Variants in CUL2 observed in about 807,000 individuals in gnomAD.
CUL2 encodes the protein cullin-2.
A neutral mutation model predicts 110.2 loss-of-function variants in CUL2; 22 were observed. That is an observed-to-expected ratio of 0.20 (90% CI 0.14 to 0.28). The LOEUF is 0.28. CUL2 is among the 10% of genes least tolerant of loss of function. CUL2 has a pLI of 1.00. For synonymous variants in CUL2, 279 were observed against 293.2 expected, an observed-to-expected ratio of 0.95 and a Z score of 0.49; for missense variants, 631 against 905.5, an observed-to-expected ratio of 0.70 and a Z score of 3.89.
At chr10:35,026,666 G>A (rs556930635) in intron 16 of CUL2, among the ~76,000 whole-genome samples, 3 of 152,120 alleles carry the variant, frequency 2.0e-5, no homozygotes, top group South Asian at 2.1e-4. Context: ...AAAGACTCTC[G>A]TATCTATAGC....
At chr10:35,119,455 C>A (rs1043267335) in intron 1 of CUL2, among the ~76,000 whole-genome samples, 1 of 152,024 alleles carries the variant, frequency 6.6e-6, no homozygotes, top group East Asian at 1.9e-4. Flanking sequence ...GGGTTATGGA[C>A]TAATTTTAGC....
chr10:35,095,406 T>G (rs1056804881), upstream of CUL2, among the ~76,000 whole-genome samples: 14 of 152,194 alleles, frequency 9.2e-5, no homozygotes, highest in African/African-American at 3.1e-4. Context: ...ATGTTTGGGT[T>G]GATGTACATA....
intron 8 of CUL2, among the ~76,000 whole-genome samples, chr10:35,040,305 A>G (rs1290003788): frequency 6.6e-6 from 1 of 152,268 alleles, no homozygotes; most frequent in Non-Finnish European, 1.5e-5. Flanking sequence ...GAACTAGCCC[A>G]TAAGGAAAAT....
At chr10:35,105,727 AC>A (rs2087446899) in intron 1 of CUL2, among the ~76,000 whole-genome samples, 1 of 151,902 alleles carries the variant, frequency 6.6e-6, no homozygotes, top group Admixed American at 6.6e-5. Context: ...AAAGAAAAAA[AC>A]CCAAAACTAA....
At position 35,040,536 on chromosome 10, in the gene CUL2, T is replaced by C. The variant is rs370910408; in HGVS notation, c.715-1454A>G. Among the ~76,000 whole-genome samples, 6 of 152,196 alleles carry C rather than the reference T, an allele frequency of 3.9e-5. No individual in the cohort carries two copies. In the East Asian group the frequency reaches 7.7e-4, roughly 20 times the overall value. On this transcript the variant is annotated intron_variant, in intron 8 of 20. Coordinates refer to ENST00000374749, the MANE Select transcript of CUL2 (RefSeq NM_003591.4). ...TCATTCCTGGAAAGCGGATCAGAAA[T>C]TTTCAATAAAAATGAGGCTCCAGAC...
At chr10:35,102,225 A>G (rs1333634218) in intron 1 of CUL2, among the ~76,000 whole-genome samples, 1 of 150,824 alleles carries the variant, frequency 6.6e-6, no homozygotes, top group Non-Finnish European at 1.5e-5. Flanking sequence ...ACAGAGCGAG[A>G]CTCCATCTCA....
At chr10:35,107,790 G>T (rs953976909) in intron 1 of CUL2, among the ~76,000 whole-genome samples, 1 of 146,702 alleles carries the variant, frequency 6.8e-6, no homozygotes, top group Non-Finnish European at 1.5e-5. Context: ...GCTGAGGCAG[G>T]AGACTGGCAT....
intron 1 of CUL2, among the ~76,000 whole-genome samples, chr10:35,113,828 C>T (rs10466072): frequency 0.37 from 56,148 of 150,758 alleles, 10,580 homozygotes; most frequent in African/African-American, 0.43. Context: ...TGCATCAGGC[C>T]CCTGAGAAGC....
At chr10:35,097,353 G>A (rs1163191750) in intron 2 of CUL2, among the ~76,000 whole-genome samples, 1 of 152,054 alleles carries the variant, frequency 6.6e-6, no homozygotes, top group African/African-American at 2.4e-5. Context: ...AGGGAGGATT[G>A]CTTGAGGCCA....
Position 35,010,430 on chromosome 10 carries a change from A to C in CUL2, c.2119T>G (p.Ser707Ala), listed in dbSNP as rs1371982589. ...ATACTGGGATTAAACCTAGCTCTTG[A>C]CTGGCTAATCACCTGTGGAAGAGAT... is the stretch of plus-strand genomic sequence containing the variant. ...NALIQEVISQ[S>A]RARFNPSISM... Residue 707 changes from serine (S) to alanine (A), a missense_variant, in exon 21 of 21, where the codon TCA becomes GCA. Physicochemically the swap from Ser to Ala is moderately conservative, Grantham distance 99. This residue lies in a region of CUL2 where 159 missense variants were observed against 202.7 expected (regional missense o/e 0.78). Transcript: ENST00000374749. 5 of 1,609,372 alleles carry C rather than the reference A, an allele frequency of 3.1e-6. No individual in the cohort carries two copies. The highest frequency in any genetic ancestry group is 1.1e-5 in the South Asian group (1 of 90,340).
At position 35,009,392 on chromosome 10, in the gene CUL2, C is replaced by CATCT; in HGVS notation, c.*918_*919insAGAT. On this transcript the variant is annotated 3_prime_UTR_variant, in exon 21 of 21. Coordinates refer to ENST00000374749, the MANE Select transcript of CUL2 (RefSeq NM_003591.4). ...TTGTAAGGGTAACAGGTAGGGGAGG[C>CATCT]ATATAGAAGGAATATGTTGGTATCA... is the stretch of plus-strand genomic sequence containing the variant. The CATCT allele has an allele frequency of 6.6e-6, 1 of 151,730 alleles. No homozygotes were observed. The highest frequency in any genetic ancestry group is 1.9e-4 in the East Asian group (1 of 5,188). The allele number at this position is 151,730 out of a possible 1,614,324, so 9.4% of individuals were successfully genotyped here. A position where few individuals can be genotyped will look rare whatever the true frequency, so the allele number is the denominator to read the frequency against.
Position 35,031,721 on chromosome 10 carries a change from A to T in CUL2, c.1171-102T>A. 2 of 1,319,898 alleles carry T rather than the reference A, an allele frequency of 1.5e-6. No individual in the cohort carries two copies. The highest frequency in any genetic ancestry group is 2.6e-5 in the South Asian group (2 of 75,896). The allele number at this position is 1,319,898 out of a possible 1,614,324, so 81.8% of individuals were successfully genotyped here. On this transcript the variant is annotated intron_variant, in intron 12 of 20. Transcript: ENST00000374749. This position sits in a 1 kb window ranked among gnomAD's most constrained non-coding sequence, Gnocchi z 4.4. ...ATACAAGGTAAGATCAGCGGACAGA[A>T]TTTTTGCTGTTTTTTTTAGAGACCG...
intron 1 of CUL2, among the ~76,000 whole-genome samples, chr10:35,087,850 AAG>A (rs2087101122): frequency 6.7e-6 from 1 of 148,652 alleles, no homozygotes; most frequent in Non-Finnish European, 1.5e-5. Context: ...CTCAGTTTAG[AAG>A]AGTTCCAAAA....
intron 1 of CUL2, among the ~76,000 whole-genome samples, chr10:35,106,984 T>G (rs36123879): frequency 0.3 from 44,962 of 151,628 alleles, 7,123 homozygotes; most frequent in South Asian, 0.35. Context: ...TTGTTTGTTT[T>G]TTTGTTTTGA....
At chr10:35,033,310 G>C (rs748147033) in intron 10 of CUL2, 37 bp from the exon 11 acceptor site, 1 of 1,375,310 alleles carries the variant, frequency 7.3e-7, no homozygotes, top group Admixed American at 1.7e-5. Context: ...CACATTTTAA[G>C]AGGTTCAAGG....
At chr10:35,057,726 A>C (rs1033199157) in intron 4 of CUL2, among the ~76,000 whole-genome samples, 4 of 152,110 alleles carry the variant, frequency 2.6e-5, no homozygotes, top group African/African-American at 9.7e-5. Flanking sequence ...TCATTTTAAT[A>C]TGGACACCAT....
chr10:35,043,101 G>T (rs1057077923), intron 8 of CUL2, among the ~76,000 whole-genome samples: 1 of 152,074 alleles, frequency 6.6e-6, no homozygotes, highest in Admixed American at 6.5e-5. Flanking sequence ...AACATGGTTT[G>T]AGAGAGTTTT....
intron 1 of CUL2, among the ~76,000 whole-genome samples, chr10:35,073,559 C>T (rs1180482535): frequency 6.6e-6 from 1 of 151,892 alleles, no homozygotes; most frequent in East Asian, 1.9e-4. Context: ...GGTAGGTCCA[C>T]TGTTGTCCCC....
At chr10:35,034,081 G>A (rs2085552506) in intron 10 of CUL2, among the ~76,000 whole-genome samples, 1 of 152,136 alleles carries the variant, frequency 6.6e-6, no homozygotes, top group Non-Finnish European at 1.5e-5. Flanking sequence ...TAGTACAAAA[G>A]TGAGTTTTCC....
Sources: gnomAD v4.1 joint callset for allele counts (sites outside exome capture counted in the v4.1 genomes callset) on GRCh38, gnomAD v4.1.1 for gene constraint, gnomAD v4.1.1 regional missense constraint, Gnocchi (gnomAD v3.1) non-coding constraint, MANE v1.5 for transcripts, NCBI Gene and HGNC (gene_info 2026-07-23, HGNC 2026-07-21) for gene names.